MAP1A: variants seen among roughly 807,000 people sequenced by gnomAD.
MAP1A encodes microtubule-associated protein 1A.
In MAP1A, 42 loss-of-function variants were observed where a neutral mutation model predicts 185.9. That is an observed-to-expected ratio of 0.23 (90% CI 0.18 to 0.29). The LOEUF (loss-of-function observed/expected upper bound fraction) is 0.29, where lower values mean the gene tolerates loss of function less well. MAP1A is among the 10% of genes least tolerant of loss of function. MAP1A has a pLI of 1.00. For missense variants in MAP1A, 2,995 were observed against 3,450.4 expected, an observed-to-expected ratio of 0.87 and a Z score of 3.31; for synonymous variants, 1,229 against 1,335.9, an observed-to-expected ratio of 0.92 and a Z score of 1.74.
rs2140211882 is a variant in MAP1A at position 43,529,563 on chromosome 15, G to C, written c.8035+55G>C. 6.2e-7 allele frequency: 1 copy of C among 1,603,528 alleles called. No individual in the cohort carries two copies. The highest frequency in any genetic ancestry group is 8.5e-7 in the Non-Finnish European group (1 of 1,172,048). ...TGTGGGTTAGGGCTGGGTGTGGGCT[G>C]GTCAGACTTCAGGAGTGGGACAGAG... On this transcript the variant is annotated intron_variant, in intron 4 of 5. Transcript: ENST00000300231. This position sits in a 1 kb window ranked among gnomAD's most constrained non-coding sequence, Gnocchi z 4.3.
chr15:43,518,596 C>T (rs908151046), intron 1 of MAP1A, among the ~76,000 whole-genome samples: 6 of 151,950 alleles, frequency 3.9e-5, no homozygotes, highest in East Asian at 1.9e-4. Context: ...GAGCTCAGCG[C>T]GCACACTCAC....
upstream of MAP1A, among the ~76,000 whole-genome samples, chr15:43,516,745 G>C (rs1451989547): frequency 6.6e-6 from 1 of 152,196 alleles, no homozygotes; most frequent in Non-Finnish European, 1.5e-5. Flanking sequence ...AGTCATTATA[G>C]GGTTTTTTTA....
In MAP1A at chr15:43,525,946, C is replaced by T. The variant is rs772697532; in HGVS notation, c.4473C>T (p.Ile1491=). The T allele has an allele frequency of 1.2e-6, 2 of 1,613,754 alleles. No homozygotes were observed. Among genetic ancestry groups the T allele is most frequent in the Non-Finnish European group, 1.7e-6 (2 of 1,179,864 alleles). The change falls in exon 4 of 6, where the codon ATC becomes ATT. Residue 1491 remains isoleucine (I), a synonymous_variant. Transcript: ENST00000300231. ...KDRVLEQKEK[I]PEEKDKALDQ... is the part of the protein sequence containing the mutation. ...GGGTCCTAGAACAGAAGGAGAAGAT[C>T]CCAGAAGAGAAAGACAAAGCCTTAG...
chr15:43,522,720 A>G lies in MAP1A; in HGVS notation c.1247A>G (p.Lys416Arg). ...KEKISKLEEK[K>R]DKEKKEIKKE... The stretch of plus-strand genomic sequence containing the variant: ...AAGATATCAAAGCTGGAAGAAAAAA[A>G]AGACAAGGAGAAAAAAGAGATCAAA... The change falls in exon 4 of 6, where the codon AAA becomes AGA. Residue 416 changes from lysine (K) to arginine (R), a missense_variant. Physicochemically the swap from Lys to Arg is conservative, Grantham distance 26. Coordinates refer to ENST00000300231, the MANE Select transcript of MAP1A (RefSeq NM_002373.6). This position sits in a 1 kb window ranked among gnomAD's most constrained non-coding sequence, Gnocchi z 5.9. The G allele has an allele frequency of 6.3e-7, 1 of 1,593,466 alleles. No homozygotes were observed. The highest frequency in any genetic ancestry group is 8.6e-7 in the Non-Finnish European group (1 of 1,168,522).
chr15:43,525,119 C>A lies in MAP1A; in HGVS notation c.3646C>A (p.Gln1216Lys), dbSNP rs1026888469. 9.3e-6 allele frequency: 15 copies of A among 1,614,080 alleles called. No homozygotes were observed. The highest frequency in any genetic ancestry group is 2.7e-5 in the African/African-American group (2 of 74,930). ...GACCTCCCTGGATGTCTCTTCTAAG[C>A]AGCTCTCTCCAGAAAGCCTTGGCAC... Reference protein sequence around the residue: ...KETSLDVSSKQLSPESLGTLQ... With the variant: ...KETSLDVSSKKLSPESLGTLQ... Residue 1216 changes from glutamine to lysine, a missense_variant, in exon 4 of 6, where the codon CAG becomes AAG. By Grantham distance (53) the Gln-to-Lys change is moderately conservative (BLOSUM62 1). Transcript: ENST00000300231.
At position 43,528,236 on chromosome 15, in the gene MAP1A, C is replaced by A. The variant is rs963248246; in HGVS notation, c.6763C>A (p.Leu2255Met). 4 of 1,613,978 alleles carry A rather than the reference C, an allele frequency of 2.5e-6. No individual in the cohort carries two copies. The African/African-American group carries it at 4.0e-5, about 16-fold the overall frequency. ...SNLPRPASPALSEGSSSEATT... is the reference protein window; with the variant it reads ...SNLPRPASPAMSEGSSSEATT... Reference sequence around the variant, plus strand: ...TCTGCCACGACCTGCCTCACCAGCCCTGTCTGAGGGCTCCTCCTCTGAGGC... The same window carrying A: ...TCTGCCACGACCTGCCTCACCAGCCATGTCTGAGGGCTCCTCCTCTGAGGC... The change falls in exon 4 of 6, where the codon CTG becomes ATG. Residue 2255 changes from leucine to methionine, a missense_variant. By Grantham distance (15) the Leu-to-Met change is conservative. Transcript: ENST00000300231.
Position 43,524,349 on chromosome 15 carries a change from G to T in MAP1A, c.2876G>T (p.Gly959Val). 6.2e-7 allele frequency: 1 copy of T among 1,614,198 alleles called. No individual in the cohort carries two copies. The highest frequency in any genetic ancestry group is 8.5e-7 in the Non-Finnish European group (1 of 1,180,028). ...TCTGAGAAACTTTGCAGTCAATATG[G>T]AACTCCAGTGTTTAGTGCCCCTGGG... is the stretch of plus-strand genomic sequence containing the variant. ...EMSEKLCSQY[G>V]TPVFSAPGHA... Residue 959 changes from glycine to valine, a missense_variant, in exon 4 of 6, where the codon GGA (glycine) becomes GTA (valine). Transcript: ENST00000300231.
chr15:43,524,670 CTCCCAGGAGCCCCCAG>C lies in MAP1A; in HGVS notation c.3198_3213del (p.Ser1069LysfsTer25). The C allele has an allele frequency of 6.2e-7, 1 of 1,614,166 alleles. No individual in the cohort carries two copies. Among genetic ancestry groups the C allele is most frequent in the Non-Finnish European group, 8.5e-7 (1 of 1,180,034 alleles). On this transcript the variant is annotated frameshift_variant, in exon 4 of 6. Transcript: ENST00000300231. LOFTEE classifies it high-confidence loss of function. The stretch of plus-strand genomic sequence containing the variant: ...CTAGAGAAGGAAGAGAAAGTTCCTC[CTCCCAGGAGCCCCCAG>C]GCCCAGGAAGCACCTGTCAACATTG...
At position 43,528,469 on chromosome 15, in the gene MAP1A, C is replaced by A; in HGVS notation, c.6996C>A (p.Ile2332=). The change falls in exon 4 of 6, where the codon ATC becomes ATA. Residue 2332 remains isoleucine, a synonymous_variant. Transcript: ENST00000300231. ...PSLPGDMGDG[I]LPCHLECSEA... ...TGCCTGGAGACATGGGTGATGGCAT[C>A]CTGCCGTGCCACCTGGAGTGCTCAG... 6.2e-7 allele frequency: 1 copy of A among 1,613,520 alleles called. No homozygotes were observed.
intron 1 of MAP1A, 96 bp from the exon 2 acceptor site, chr15:43,520,545 C>T (rs150668966): frequency 1.0e-4 from 83 of 827,790 alleles, no homozygotes; most frequent in African/African-American, 8.7e-4. Context: ...CCTTCTCTTT[C>T]GTCTAAGCCC....
Position 43,528,862 on chromosome 15 carries a change from T to C in MAP1A, c.7389T>C (p.Asp2463=), listed in dbSNP as rs1362550709. 2 of 1,613,022 alleles carry C rather than the reference T, an allele frequency of 1.2e-6. No homozygotes were observed. Among genetic ancestry groups the C allele is most frequent in the African/African-American group, 2.7e-5 (2 of 74,776 alleles). ...LNPPLPPSID[D]RDLSTEEVRL... ...CACCTCTGCCCCCATCCATAGATGA[T>C]AGGGACCTCTCAACTGAGGAAGTTC... is the stretch of plus-strand genomic sequence containing the variant. Residue 2463 remains aspartate (D), a synonymous_variant, in exon 4 of 6, where the codon GAT becomes GAC. Coordinates refer to ENST00000300231, the MANE Select transcript of MAP1A (RefSeq NM_002373.6).
In MAP1A at chr15:43,526,478, C is replaced by T. The variant is rs1162414373; in HGVS notation, c.5005C>T (p.Pro1669Ser). Residue 1669 changes from proline (P) to serine (S), a missense_variant, in exon 4 of 6, where the codon CCG becomes TCG. This residue lies in a region of MAP1A where 2,728 missense variants were observed against 2,986.0 expected (regional missense o/e 0.91). Coordinates refer to ENST00000300231, the MANE Select transcript of MAP1A (RefSeq NM_002373.6). The surrounding 1 kb of genome is among the most constrained non-coding windows in gnomAD (Gnocchi z 4.7). ...GGCTGGAGAACAGAAAGAGCTTGCC[C>T]CGGCATGGGAGGACACATCTCCTGA... is the stretch of plus-strand genomic sequence containing the variant. ...EPAGEQKELA[P>S]AWEDTSPEQD... 1 of 1,614,038 alleles carries T rather than the reference C, an allele frequency of 6.2e-7. No individual in the cohort carries two copies. Among genetic ancestry groups the T allele is most frequent in the South Asian group, 1.1e-5 (1 of 91,054 alleles).
chr15:43,519,854 A>T (rs1467086519), intron 1 of MAP1A, among the ~76,000 whole-genome samples: 3 of 152,170 alleles, frequency 2.0e-5, no homozygotes, highest in Non-Finnish European at 4.4e-5. Context: ...AAGATGAGAG[A>T]AGAAACTGTT....
chr15:43,529,489 T>C lies in MAP1A; in HGVS notation c.8016T>C (p.Asn2672=). 1 of 1,608,716 alleles carries C rather than the reference T, an allele frequency of 6.2e-7. No homozygotes were observed. Among genetic ancestry groups the C allele is most frequent in the Non-Finnish European group, 8.5e-7 (1 of 1,176,546 alleles). The part of the protein sequence containing the change: ...GHSPMSKGLV[N]GLKAGPMALS... ...GCCCCATGTCCAAAGGCCTAGTCAATGGACTCAAGGCAGGACCAAGTAAGT... is the reference window on the plus strand; with the variant it reads ...GCCCCATGTCCAAAGGCCTAGTCAACGGACTCAAGGCAGGACCAAGTAAGT... Residue 2672 remains asparagine, a synonymous_variant, in exon 4 of 6, where the codon AAT becomes AAC. Transcript: ENST00000300231. This position sits in a 1 kb window ranked among gnomAD's most constrained non-coding sequence, Gnocchi z 4.3.
rs767798248 is a variant in MAP1A, at chr15:43,521,079, T to C, written c.-184T>C. 1.3e-6 allele frequency: 2 copies of C among 1,549,714 alleles called. No individual in the cohort carries two copies. The highest frequency in any genetic ancestry group is 2.4e-5 in the South Asian group (2 of 84,058). On this transcript the variant is annotated 5_prime_UTR_variant, in exon 3 of 6. It removes an upstream start codon present in the reference 5' UTR. Transcript: ENST00000300231. This position sits in a 1 kb window ranked among gnomAD's most constrained non-coding sequence, Gnocchi z 4.6. Reference sequence around the variant, plus strand: ...TCCTACAGAGTGGCACCTACTCATATGAAAACTTTGCCCAGGTCCTTCACA... The same window carrying C: ...TCCTACAGAGTGGCACCTACTCATACGAAAACTTTGCCCAGGTCCTTCACA...
exon 2 of MAP1A, chr15:43,512,283 A>G (rs1290753848): frequency 6.5e-7 from 1 of 1,537,424 alleles, no homozygotes; most frequent in Admixed American, 2.0e-5. Context: ...TTCTCCTCAG[A>G]GGTCAAAGGT....
At position 43,529,146 on chromosome 15, in the gene MAP1A, A is replaced by G; in HGVS notation, c.7673A>G (p.His2558Arg). Residue 2558 changes from histidine (H) to arginine (R), a missense_variant, in exon 4 of 6, where the codon CAT (histidine) becomes CGT (arginine). This residue lies in a region of MAP1A where 2,728 missense variants were observed against 2,986.0 expected (regional missense o/e 0.91). Coordinates refer to ENST00000300231, the MANE Select transcript of MAP1A (RefSeq NM_002373.6). The surrounding 1 kb of genome is among the most constrained non-coding windows in gnomAD (Gnocchi z 4.3). ...VSGTHHPRPG[H>R]DPPPLPQPDP... ...GGTACTCACCACCCCAGGCCTGGCC[A>G]TGACCCACCTCCTCTCCCACAGCCA... The G allele has an allele frequency of 6.2e-7, 1 of 1,613,292 alleles. No homozygotes were observed. The highest frequency in any genetic ancestry group is 8.5e-7 in the Non-Finnish European group (1 of 1,179,888).
In MAP1A at chr15:43,526,866, C is replaced by G; in HGVS notation, c.5393C>G (p.Pro1798Arg). The G allele has an allele frequency of 1.2e-6, 2 of 1,614,138 alleles. No homozygotes were observed. Among genetic ancestry groups the G allele is most frequent in the Non-Finnish European group, 1.7e-6 (2 of 1,180,022 alleles). Residue 1798 changes from proline to arginine, a missense_variant, in exon 4 of 6, where the codon CCT (proline) becomes CGT (arginine). Coordinates refer to ENST00000300231, the MANE Select transcript of MAP1A (RefSeq NM_002373.6). This position sits in a 1 kb window ranked among gnomAD's most constrained non-coding sequence, Gnocchi z 4.7. ...CGCTCTCCCTTTGAGATCATCTCCC[C>G]TCCAGCTTCCCCACCTGAGATGGTT... ...LTRSPFEIIS[P>R]PASPPEMVGQ... is the part of the protein sequence containing the mutation.
rs1033753291 is a variant in MAP1A, at chr15:43,528,800, C to G, written c.7327C>G (p.Pro2443Ala). 1.1e-5 allele frequency: 17 copies of G among 1,613,376 alleles called. No homozygotes were observed. Among genetic ancestry groups the G allele is most frequent in the Non-Finnish European group, 1.4e-5 (17 of 1,179,948 alleles). ...CCAGGGATGTGCCACTGAGCCTCGG[C>G]CCCATCGTGGGGAGCTCTCCCCATC... ...GPQGCATEPR[P>A]HRGELSPSFL... The change falls in exon 4 of 6, where the codon CCC becomes GCC. Residue 2443 changes from proline to alanine, a missense_variant. By Grantham distance (27) the Pro-to-Ala change is conservative. Transcript: ENST00000300231.
Sources: gnomAD v4.1 joint callset for allele counts (sites outside exome capture counted in the v4.1 genomes callset) on GRCh38, gnomAD v4.1.1 for gene constraint, gnomAD v4.1.1 regional missense constraint, Gnocchi (gnomAD v3.1) non-coding constraint, MANE v1.5 for transcripts, NCBI Gene and HGNC (gene_info 2026-07-23, HGNC 2026-07-21) for gene names.